Variants in RB1CC1 observed in about 807,000 individuals in gnomAD.
RB1CC1 encodes the protein RB1 inducible coiled-coil 1, also known as RB1-inducible coiled-coil protein 1.
In RB1CC1, 46 loss-of-function variants were observed where a neutral mutation model predicts 177.5. The ratio of observed to expected loss-of-function variants is 0.26; its 90% CI spans 0.20 to 0.33. The LOEUF (loss-of-function observed/expected upper bound fraction) is 0.33. Ranked by LOEUF, RB1CC1 falls within the 10% of genes least tolerant of loss-of-function variation. RB1CC1 has a pLI of 1.00. For synonymous variants in RB1CC1, 666 were observed against 613.6 expected (o/e 1.09, Z -1.26); for missense variants, 1,703 against 1,816.3 (o/e 0.94, Z 1.13).
At chr8:52,699,830 AATATATATATATAT>A (rs1211106554) in intron 1 of RB1CC1, among the ~76,000 whole-genome samples, 3 of 26,704 alleles carry the variant, frequency 1.1e-4, no homozygotes, top group East Asian at 4.0e-3. Context: ...AAAAAAAAAA[AATATATATATATAT>A]ATATATATAT....
chr8:52,666,221 A>G (rs558023227), intron 8 of RB1CC1, among the ~76,000 whole-genome samples: 3 of 152,290 alleles, frequency 2.0e-5, no homozygotes, highest in Non-Finnish European at 4.4e-5. Context: ...AGTGAGAATT[A>G]TAAGAAACAC....
At chr8:52,707,461 C>A (rs1392036560) in intron 1 of RB1CC1, among the ~76,000 whole-genome samples, 2 of 124,510 alleles carry the variant, frequency 1.6e-5, no homozygotes, top group East Asian at 5.7e-4. Flanking sequence ...TACAAACTTT[C>A]CAAAGTGACA....
chr8:52,706,055 C>A (rs1233015122), intron 1 of RB1CC1, among the ~76,000 whole-genome samples: 4 of 152,032 alleles, frequency 2.6e-5, no homozygotes. Flanking sequence ...CTTTTTAACA[C>A]TGGCTATCTC....
intron 8 of RB1CC1, among the ~76,000 whole-genome samples, chr8:52,666,927 G>C (rs1313715031): frequency 6.6e-6 from 1 of 152,168 alleles, no homozygotes; most frequent in African/African-American, 2.4e-5. Flanking sequence ...GAAAGAGAAG[G>C]AAAAGCAAGT....
intron 18 of RB1CC1, among the ~76,000 whole-genome samples, chr8:52,637,184 C>A (rs187793585): frequency 2.6e-5 from 4 of 152,124 alleles, no homozygotes; most frequent in Non-Finnish European, 4.4e-5. Flanking sequence ...CATCTTAAGG[C>A]GATTAAGTCT....
intron 1 of RB1CC1, among the ~76,000 whole-genome samples, chr8:52,690,691 T>C (rs1255330408): frequency 1.3e-5 from 2 of 152,226 alleles, no homozygotes; most frequent in East Asian, 3.8e-4. Flanking sequence ...TTTTCTCGTT[T>C]TCCTTTGAAT....
rs1563409077 is a variant in RB1CC1, at chr8:52,667,888, A to C, written c.1173+133T>G. The C allele has an allele frequency of 4.8e-6, 4 of 839,576 alleles. No homozygotes were observed. The South Asian group carries it at 8.0e-5, about 17-fold the overall frequency. The allele number at this position is 839,576 out of a possible 1,614,324, so 52.0% of individuals were successfully genotyped here. A position where few individuals can be genotyped will look rare whatever the true frequency, so the allele number is the denominator to read the frequency against. On this transcript the variant is annotated intron_variant, in intron 8 of 23. Coordinates refer to ENST00000025008, the MANE Select transcript of RB1CC1 (RefSeq NM_014781.5). ...ATGCTTTTCTGTTTTATTACAAGGA[A>C]ACAATATTAATACATTAAAAATATT...
Position 52,656,198 on chromosome 8 carries a change from T to C in RB1CC1, c.3631A>G (p.Asn1211Asp). 1.2e-6 allele frequency: 2 copies of C among 1,613,794 alleles called. No homozygotes were observed. Among genetic ancestry groups the C allele is most frequent in the Non-Finnish European group, 1.7e-6 (2 of 1,179,864 alleles). The change falls in exon 15 of 24, where the codon AAC becomes GAC. Residue 1211 changes from asparagine (N) to aspartate (D), a missense_variant. Asn to Asp is a conservative substitution (Grantham distance 23). Around this residue, in one of 6 missense-constraint regions of RB1CC1, gnomAD observed 1,169 missense variants for 1,184.7 expected, o/e 0.99. Coordinates refer to ENST00000025008, the MANE Select transcript of RB1CC1 (RefSeq NM_014781.5). ...QEEKYEAIIQ[N>D]LEKDRQKLVS... The stretch of plus-strand genomic sequence containing the variant: ...AATTTTTGTCTGTCTTTCTCAAGGT[T>C]CTGGATAATAGCTTCGTATTTCTCT...
chr8:52,705,390 ACAT>A (rs1197053021), intron 1 of RB1CC1, among the ~76,000 whole-genome samples: 1 of 152,222 alleles, frequency 6.6e-6, no homozygotes, highest in African/African-American at 2.4e-5. Flanking sequence ...GAGAACTAAA[ACAT>A]CAACAAGGTA....
At chr8:52,700,540 A>G (rs1855959848) in intron 1 of RB1CC1, among the ~76,000 whole-genome samples, 1 of 152,178 alleles carries the variant, frequency 6.6e-6, no homozygotes, top group African/African-American at 2.4e-5. Flanking sequence ...CTTTAGAAAA[A>G]ACAAAAAGAA....
At chr8:52,648,596 A>G (rs1402501244) in intron 15 of RB1CC1, among the ~76,000 whole-genome samples, 1 of 152,190 alleles carries the variant, frequency 6.6e-6, no homozygotes, top group Non-Finnish European at 1.5e-5. Context: ...CTTTACCCAC[A>G]GGGAATATGT....
At chr8:52,676,229 C>T in intron 6 of RB1CC1, 140 bp downstream of exon 6, 2 of 697,194 alleles carry the variant, frequency 2.9e-6, no homozygotes, top group Non-Finnish European at 4.7e-6. Context: ...CTACAAATCA[C>T]TATCAGAAAA....
rs1475031872 is a variant in RB1CC1 at position 52,686,890 on chromosome 8, A to C, written c.-89T>G. 1 of 456,580 alleles carries C rather than the reference A, an allele frequency of 2.2e-6. No individual in the cohort carries two copies. Among genetic ancestry groups the C allele is most frequent in the Non-Finnish European group, 4.4e-6 (1 of 226,944 alleles). The allele number at this position is 456,580 out of a possible 1,614,324, so 28.3% of individuals were successfully genotyped here. ...TGAAAAGGACTACCACTTTTCTTAA[A>C]AAGTAGATTAAAACTGGCTTATGTT... On this transcript the variant is annotated 5_prime_UTR_variant, in exon 2 of 24. Transcript: ENST00000025008.
intron 1 of RB1CC1, among the ~76,000 whole-genome samples, chr8:52,692,317 AG>A (rs1325805205): frequency 2.6e-5 from 4 of 152,136 alleles, no homozygotes; most frequent in South Asian, 2.1e-4. Flanking sequence ...ACCTACTTTC[AG>A]GGGGAAAAAA....
At chr8:52,627,617 A>G (rs1212877413) in intron 22 of RB1CC1, among the ~76,000 whole-genome samples, 1 of 152,214 alleles carries the variant, frequency 6.6e-6, no homozygotes, top group Non-Finnish European at 1.5e-5. Context: ...ATAATGATAA[A>G]CAAGGTAGGA....
At chr8:52,684,241 G>C (rs1854036932) in intron 3 of RB1CC1, among the ~76,000 whole-genome samples, 1 of 152,036 alleles carries the variant, frequency 6.6e-6, no homozygotes, top group Admixed American at 6.6e-5. Context: ...CTGGTTATCA[G>C]GTCTATTAAA....
intron 8 of RB1CC1, among the ~76,000 whole-genome samples, chr8:52,667,623 A>C (rs917284867): frequency 5.3e-5 from 8 of 152,210 alleles, no homozygotes; most frequent in African/African-American, 1.7e-4. Flanking sequence ...ATCAGATCTA[A>C]AACCTAGGTA....
chr8:52,710,211 T>G (rs1856932437), intron 1 of RB1CC1, among the ~76,000 whole-genome samples: 1 of 152,164 alleles, frequency 6.6e-6, no homozygotes, highest in South Asian at 2.1e-4. Context: ...AGAAAAAGAA[T>G]GAAAGATGAG....
At chr8:52,640,391 A>G (rs944813131) in intron 18 of RB1CC1, among the ~76,000 whole-genome samples, 3 of 152,254 alleles carry the variant, frequency 2.0e-5, no homozygotes, top group African/African-American at 4.8e-5. Context: ...TTCTCACCAT[A>G]AAGAAATGAT....
Sources: gnomAD v4.1 joint callset for allele counts (sites outside exome capture counted in the v4.1 genomes callset) on GRCh38, gnomAD v4.1.1 for gene constraint, gnomAD v4.1.1 regional missense constraint, MANE v1.5 for transcripts, NCBI Gene and HGNC (gene_info 2026-07-23, HGNC 2026-07-21) for gene names.